Variants in CDYL observed in about 807,000 individuals in gnomAD.
The protein encoded by CDYL is chromodomain Y-like protein.
CDYL carries 8 observed loss-of-function variants against 47.3 expected under a neutral mutation model. That is an observed-to-expected ratio of 0.17 (90% confidence interval 0.10 to 0.31). The LOEUF is 0.31. CDYL is among the 10% of genes least tolerant of loss of function. The pLI, the probability that CDYL is intolerant of heterozygous loss-of-function variation, is 1.00. For synonymous variants in CDYL, 266 were observed against 265.0 expected (o/e 1.00, Z -0.04); for missense variants, 471 against 701.4 (o/e 0.67, Z 3.71).
At chr6:4,910,696 C>T (rs1398569086) in intron 2 of CDYL, among the ~76,000 whole-genome samples, 1 of 152,222 alleles carries the variant, frequency 6.6e-6, no homozygotes, top group Non-Finnish European at 1.5e-5. Flanking sequence ...GAAAAGGTGT[C>T]TCCGTGGGCC....
chr6:4,826,154 T>C (rs780490972), intron 1 of CDYL, among the ~76,000 whole-genome samples: 30 of 152,236 alleles, frequency 2.0e-4, no homozygotes, highest in Non-Finnish European at 4.1e-4. Flanking sequence ...ATGTGAGATA[T>C]GTGTGTGCAT....
At chr6:4,787,358 G>A (rs1397479406) in intron 1 of CDYL, among the ~76,000 whole-genome samples, 4 of 152,104 alleles carry the variant, frequency 2.6e-5, no homozygotes, top group Non-Finnish European at 4.4e-5. Flanking sequence ...GCCATCCTGC[G>A]ACACCACTGG....
chr6:4,809,735 T>G (rs1023967499), intron 1 of CDYL, among the ~76,000 whole-genome samples: 8 of 121,074 alleles, frequency 6.6e-5, no homozygotes, highest in Admixed American at 2.5e-4. Flanking sequence ...GTAGGGGTAT[T>G]ATATTAGTCC....
chr6:4,766,431 G>A (rs570338621), intron 3 of CDYL, among the ~76,000 whole-genome samples: 12 of 151,950 alleles, frequency 7.9e-5, no homozygotes, highest in East Asian at 5.8e-4. Flanking sequence ...GGATGGTCTC[G>A]ATCTCCCGAC....
chr6:4,739,466 C>T (rs1048202652), intron 3 of CDYL, among the ~76,000 whole-genome samples: 2 of 149,306 alleles, frequency 1.3e-5, no homozygotes, highest in African/African-American at 4.9e-5. Context: ...TTGCAGTGAG[C>T]CGAGATCTCG....
At chr6:4,933,121 C>T (rs2127517993) in intron 2 of CDYL, among the ~76,000 whole-genome samples, 1 of 152,360 alleles carries the variant, frequency 6.6e-6, no homozygotes, top group South Asian at 2.1e-4. Flanking sequence ...TGCCTCCTGG[C>T]TCTGCCTGCG....
chr6:4,888,736 G>A (rs1761963294), intron 1 of CDYL, among the ~76,000 whole-genome samples: 1 of 152,054 alleles, frequency 6.6e-6, no homozygotes, highest in Admixed American at 6.6e-5. Flanking sequence ...CTTCTTTTTA[G>A]TGTAGGTGTT....
chr6:4,917,931 A>G (rs1195977589), intron 2 of CDYL, among the ~76,000 whole-genome samples: 1 of 152,186 alleles, frequency 6.6e-6, no homozygotes, highest in African/African-American at 2.4e-5. Flanking sequence ...TGCAATAACT[A>G]TAGGTTGTGA....
At chr6:4,710,337 AAGGG>A (rs1242045471) in intron 1 of CDYL, among the ~76,000 whole-genome samples, 1 of 113,320 alleles carries the variant, frequency 8.8e-6, no homozygotes, top group Non-Finnish European at 1.9e-5. Context: ...AGAAAGGAGG[AAGGG>A]AGGGAGAAAG....
chr6:4,735,912 G>C (rs955274239), intron 3 of CDYL, among the ~76,000 whole-genome samples: 2 of 152,134 alleles, frequency 1.3e-5, no homozygotes, highest in African/African-American at 4.8e-5. Context: ...TGATGGGGGG[G>C]GGTGGGATGA....
chr6:4,813,719 T>C (rs1450214740), intron 1 of CDYL, among the ~76,000 whole-genome samples: 1 of 152,228 alleles, frequency 6.6e-6, no homozygotes, highest in Admixed American at 6.5e-5. Context: ...GGAATTTGCC[T>C]CAAGTTTCTA....
intron 1 of CDYL, among the ~76,000 whole-genome samples, chr6:4,800,126 T>A (rs1376852070): frequency 6.6e-6 from 1 of 152,156 alleles, no homozygotes. Flanking sequence ...TGCTTTTTAA[T>A]TGAAATTAAT....
At chr6:4,723,287 G>C (rs538451089) in intron 2 of CDYL, among the ~76,000 whole-genome samples, 2 of 152,082 alleles carry the variant, frequency 1.3e-5, no homozygotes, top group Non-Finnish European at 2.9e-5. Context: ...CATTATATCA[G>C]GGACTTGAGC....
rs761222965 is a variant in CDYL at position 4,952,370 on chromosome 6, G to C, written c.1437G>C (p.Val479=). 1.9e-6 allele frequency: 3 copies of C among 1,614,238 alleles called. No individual in the cohort carries two copies. In the Admixed American group the frequency reaches 5.0e-5, roughly 27 times the overall value. The change falls in exon 6 of 7, where the codon GTG becomes GTC. Residue 479 remains valine, a synonymous_variant. Coordinates refer to ENST00000397588, the MANE Select transcript of CDYL (RefSeq NM_004824.4). ...GGCCCGGGACGTTCACTCAGGAAGT[G>C]ATGGTTCGCATTAAGGAGCTTGCCT... ...VFWPGTFTQE[V]MVRIKELASC... is the part of the protein sequence containing the mutation.
chr6:4,742,911 G>A (rs900729895), intron 3 of CDYL, among the ~76,000 whole-genome samples: 1 of 152,206 alleles, frequency 6.6e-6, no homozygotes, highest in Non-Finnish European at 1.5e-5. Context: ...TTTCAGAGTT[G>A]TCTAATCACA....
intron 3 of CDYL, among the ~76,000 whole-genome samples, chr6:4,763,957 GA>G (rs1350815511): frequency 1.3e-5 from 2 of 151,802 alleles, no homozygotes; most frequent in African/African-American, 4.8e-5. Flanking sequence ...CCCCAAAAAA[GA>G]AAAATTTGTT....
At chr6:4,723,465 T>C (rs1262587912) in intron 2 of CDYL, among the ~76,000 whole-genome samples, 5 of 151,796 alleles carry the variant, frequency 3.3e-5, no homozygotes, top group Admixed American at 2.6e-4. Context: ...TTTACAGAGG[T>C]GTGGGCATAG....
At chr6:4,756,562 A>ATT (rs1758076704) in intron 3 of CDYL, among the ~76,000 whole-genome samples, 1 of 141,594 alleles carries the variant, frequency 7.1e-6, no homozygotes, top group East Asian at 2.0e-4. Flanking sequence ...AATTGTAGTA[A>ATT]TTAAAATTAT....
At chr6:4,845,777 C>T (rs1318786649) in intron 1 of CDYL, among the ~76,000 whole-genome samples, 2 of 152,126 alleles carry the variant, frequency 1.3e-5, no homozygotes, top group African/African-American at 2.4e-5. Flanking sequence ...AACTTTTGAT[C>T]TTTTTCCAAC....
Sources: allele counts gnomAD v4.1 joint callset (sites outside exome capture counted in the v4.1 genomes callset), GRCh38; gene constraint gnomAD v4.1.1; transcripts MANE v1.5; gene names NCBI Gene and HGNC (gene_info 2026-07-23, HGNC 2026-07-21).